GNAL: variants seen among roughly 807,000 people sequenced by gnomAD.
GNAL encodes G protein subunit alpha L.
In GNAL, 18 loss-of-function variants were observed where a neutral mutation model predicts 55.1. The observed-to-expected ratio is 0.33, with a 90% CI of 0.23 to 0.48. The LOEUF (loss-of-function observed/expected upper bound fraction) is 0.48, where lower values mean the gene tolerates loss of function less well. Ranked by LOEUF, GNAL falls within the 20% of genes least tolerant of loss-of-function variation. The pLI is 0.99. For synonymous variants in GNAL, 253 were observed against 237.0 expected, an observed-to-expected ratio of 1.07 and a Z score of -0.62; for missense variants, 412 against 614.1, an observed-to-expected ratio of 0.67 and a Z score of 3.48.
At chr18:11,820,957 A>G (rs1271830623) in intron 4 of GNAL, among the ~76,000 whole-genome samples, 1 of 152,192 alleles carries the variant, frequency 6.6e-6, no homozygotes, top group Non-Finnish European at 1.5e-5. Context: ...TGGTTCAAGC[A>G]CTTCTCTGTA....
intron 4 of GNAL, among the ~76,000 whole-genome samples, chr18:11,759,220 G>A (rs1033491959): frequency 1.1e-4 from 17 of 152,218 alleles, no homozygotes; most frequent in Non-Finnish European, 2.2e-4. Flanking sequence ...AAATGTTGTG[G>A]TTGCCTCCTC....
chr18:11,846,446 T>TATAAATAG (rs2035738983), intron 5 of GNAL, among the ~76,000 whole-genome samples: 4 of 121,778 alleles, frequency 3.3e-5, no homozygotes, highest in Non-Finnish European at 6.5e-5. Context: ...TATATAAATA[T>TATAAATAG]AAATATATAT....
At chr18:11,731,944 A>G (rs528006210) in intron 1 of GNAL, among the ~76,000 whole-genome samples, 1 of 152,164 alleles carries the variant, frequency 6.6e-6, no homozygotes, top group Non-Finnish European at 1.5e-5. Flanking sequence ...ATCTTATAAT[A>G]TGTGGTCTTT....
intron 5 of GNAL, among the ~76,000 whole-genome samples, chr18:11,846,464 TACACACACACAC>T (rs57334090): frequency 1.1e-4 from 16 of 140,096 alleles, no homozygotes; most frequent in African/African-American, 3.5e-4. Context: ...TATATAAATA[TACACACACACAC>T]ACACACACAC....
intron 1 of GNAL, among the ~76,000 whole-genome samples, chr18:11,719,119 G>A (rs945723310): frequency 2.0e-5 from 3 of 151,986 alleles, no homozygotes; most frequent in African/African-American, 7.3e-5. Flanking sequence ...CCTCATATGT[G>A]TACTATATAT....
intron 1 of GNAL, among the ~76,000 whole-genome samples, chr18:11,725,150 A>G (rs1228307394): frequency 6.6e-6 from 1 of 152,174 alleles, no homozygotes; most frequent in African/African-American, 2.4e-5. Context: ...TGCCTCCCAC[A>G]AAATCATATA....
chr18:11,841,379 C>T (rs1035705543), intron 5 of GNAL, among the ~76,000 whole-genome samples: 4 of 152,052 alleles, frequency 2.6e-5, no homozygotes, highest in East Asian at 1.9e-4. Flanking sequence ...GGGCCGGGCA[C>T]GGTGGCCTAT....
intron 4 of GNAL, among the ~76,000 whole-genome samples, chr18:11,781,755 C>G (rs547328132): frequency 6.6e-6 from 1 of 152,280 alleles, no homozygotes; most frequent in South Asian, 2.1e-4. Context: ...ACTGAACTGC[C>G]AAGCTACTGG....
chr18:11,765,412 T>G (rs947529085), intron 4 of GNAL, among the ~76,000 whole-genome samples: 1 of 152,226 alleles, frequency 6.6e-6, no homozygotes, highest in African/African-American at 2.4e-5. Flanking sequence ...TTCCTTTGTG[T>G]TAGGACTATT....
At chr18:11,786,869 T>C (rs1676100853) in intron 4 of GNAL, among the ~76,000 whole-genome samples, 1 of 152,120 alleles carries the variant, frequency 6.6e-6, no homozygotes, top group Admixed American at 6.6e-5. Flanking sequence ...ATTCAAACTA[T>C]GTCTGCTTTA....
rs1219351502 is a variant in GNAL at position 11,788,936 on chromosome 18, T to TATATATAC, written c.624+34992_624+34993insTATATACA. ...AAAAATATATATATATATATATATA[T>TATATATAC]ACACATATATATCAAAAGTGTTTTT... On this transcript the variant is annotated intron_variant, in intron 4 of 11. Transcript: ENST00000334049. 2.4e-3 allele frequency among the ~76,000 whole-genome samples: 309 copies of TATATATAC among 128,574 alleles called. 2 individuals are homozygous for TATATATAC. Among genetic ancestry groups the TATATATAC allele is most frequent in the Non-Finnish European group, 3.6e-3 (225 of 62,934 alleles). 84.3% of individuals were successfully genotyped at this position (128,574 alleles called of 152,430 possible).
chr18:11,717,109 C>A (rs1324767557), intron 1 of GNAL, among the ~76,000 whole-genome samples: 1 of 152,252 alleles, frequency 6.6e-6, no homozygotes. Flanking sequence ...GCAGCTAAGG[C>A]CCAGGGAGAA....
At chr18:11,852,278 TTCTGCAC>T in intron 5 of GNAL, 2 of 785,804 alleles carry the variant, frequency 2.5e-6, no homozygotes, top group Non-Finnish European at 4.0e-6. Context: ...AATTCAGTAT[TTCTGCAC>T]TCTTAGCTGG....
chr18:11,749,533 G>GC (rs145127443), intron 1 of GNAL, among the ~76,000 whole-genome samples: 1,648 of 152,178 alleles, frequency 0.011, 14 homozygotes, highest in African/African-American at 0.022. Flanking sequence ...TATTCCCAGC[G>GC]CATCTCCTCT....
intron 1 of GNAL, among the ~76,000 whole-genome samples, chr18:11,741,578 C>T (rs1247180473): frequency 6.6e-6 from 1 of 152,092 alleles, no homozygotes; most frequent in Non-Finnish European, 1.5e-5. Flanking sequence ...CTTATTTATC[C>T]TTATAATGTC....
In GNAL at chr18:11,825,933, G is replaced by C. The variant is rs573581538; in HGVS notation, c.722+918G>C. Among the ~76,000 whole-genome samples, 36 of 152,202 alleles carry C rather than the reference G, an allele frequency of 2.4e-4. 1 individual carries two copies. The highest frequency in any genetic ancestry group is 8.4e-4 in the African/African-American group (35 of 41,538). On this transcript the variant is annotated intron_variant, in intron 5 of 11. Coordinates refer to ENST00000334049, the MANE Select transcript of GNAL (RefSeq NM_182978.4). ...GTTTTGATAATTAAAAATTGTAGTTGACTAGTTGTTTTATGTAAAGCTGTG... is the reference window on the plus strand; with the variant it reads ...GTTTTGATAATTAAAAATTGTAGTTCACTAGTTGTTTTATGTAAAGCTGTG...
chr18:11,694,699 A>G lies in GNAL; in HGVS notation c.376+4760A>G, dbSNP rs187831897. 1.2e-3 allele frequency among the ~76,000 whole-genome samples: 183 copies of G among 152,290 alleles called. 3 individuals are homozygous for G. Among genetic ancestry groups the G allele is most frequent in the Non-Finnish European group, 2.9e-4 (20 of 68,030 alleles). On this transcript the variant is annotated intron_variant, in intron 1 of 11. Transcript: ENST00000334049. Reference sequence around the variant, plus strand: ...TGAGAGGAATTCTCAGATAACTCCCATGGTCTTGAGCATGAGGTATGTGTT... The same window carrying G: ...TGAGAGGAATTCTCAGATAACTCCCGTGGTCTTGAGCATGAGGTATGTGTT...
chr18:11,746,618 G>C (rs765956038), intron 1 of GNAL: 10 of 247,118 alleles, frequency 4.0e-5, no homozygotes, highest in Non-Finnish European at 8.0e-5. Flanking sequence ...CTAAAAAAAA[G>C]AAAGAAGAAG....
In GNAL at chr18:11,751,115, G is replaced by T. The variant is rs181794886; in HGVS notation, c.377-1738G>T. 6.9e-4 allele frequency among the ~76,000 whole-genome samples: 105 copies of T among 152,256 alleles called. No individual in the cohort carries two copies. The highest frequency in any genetic ancestry group is 1.2e-3 in the Non-Finnish European group (83 of 68,016). On this transcript the variant is annotated intron_variant, in intron 1 of 11. Transcript: ENST00000334049. This position sits in a 1 kb window ranked among gnomAD's most constrained non-coding sequence, Gnocchi z 4.5. ...GCTGAGCAAAGGCAAGTTAGACAGC[G>T]CAGCGCCAAGCCCGAGACGGTCAAC...
Sources: gnomAD v4.1 joint callset for allele counts (sites outside exome capture counted in the v4.1 genomes callset) on GRCh38, gnomAD v4.1.1 for gene constraint, Gnocchi (gnomAD v3.1) non-coding constraint, MANE v1.5 for transcripts, NCBI Gene and HGNC (gene_info 2026-07-23, HGNC 2026-07-21) for gene names.